The following WASHC4 variants were observed in gnomAD, a reference collection of about 807,000 sequenced individuals.
The protein encoded by WASHC4 is WASH complex subunit 7.
WASHC4 carries 86 observed loss-of-function variants against 166.6 expected under a neutral mutation model. The ratio of observed to expected loss-of-function variants is 0.52; its 90% CI spans 0.43 to 0.62. The LOEUF (loss-of-function observed/expected upper bound fraction) is 0.62, where lower values mean the gene tolerates loss of function less well. Among genes scored for constraint, WASHC4 ranks in the 20% least tolerant of loss-of-function variants. The probability of loss-of-function intolerance (pLI) is 0.00; values close to 1 mark genes in which losing one functional copy is unlikely to be tolerated. For missense variants in WASHC4, 1,262 were observed against 1,382.4 expected, an observed-to-expected ratio of 0.91 and a Z score of 1.38; for synonymous variants, 446 against 451.6, an observed-to-expected ratio of 0.99 and a Z score of 0.16.
At chr12:105,160,885 A>G (rs1884453920) in intron 29 of WASHC4, among the ~76,000 whole-genome samples, 1 of 152,226 alleles carries the variant, frequency 6.6e-6, no homozygotes, top group Non-Finnish European at 1.5e-5. Context: ...CATCTGGACT[A>G]AATTTTTAAT....
Position 105,143,209 on chromosome 12 carries a change from G to T in WASHC4, c.1976G>T (p.Cys659Phe). The T allele has an allele frequency of 6.2e-7, 1 of 1,602,490 alleles. No individual in the cohort carries two copies. The highest frequency in any genetic ancestry group is 8.5e-7 in the Non-Finnish European group (1 of 1,169,832). The change falls in exon 20 of 33, where the codon TGC (cysteine) becomes TTC (phenylalanine). Residue 659 changes from cysteine to phenylalanine, a missense_variant. Cys to Phe is a radical substitution (Grantham distance 205). Transcript: ENST00000332180. ...HLESYEILLDCYDKEIMEILN... is the reference protein window; with the variant it reads ...HLESYEILLDFYDKEIMEILN... ...GAGTCCTATGAGATACTTCTGGATT[G>T]CTATGACAAGGAAATTATGGAAATT...
Position 105,144,774 on chromosome 12 carries a change from C to T in WASHC4, c.2236C>T (p.His746Tyr), listed in dbSNP as rs758553648. 3.6e-5 allele frequency: 58 copies of T among 1,612,436 alleles called. No homozygotes were observed. The Admixed American group carries it at 8.7e-4, about 24-fold the overall frequency. The change falls in exon 22 of 33, where the codon CAT becomes TAT. Residue 746 changes from histidine to tyrosine, a missense_variant. Physicochemically the swap from His to Tyr is moderately conservative, Grantham distance 83 (BLOSUM62 2). Transcript: ENST00000332180. ...TFYNLTTVAL[H>Y]DWATYSEMRN... is the part of the protein sequence containing the mutation. ...CTACAATCTAACAACTGTAGCCCTT[C>T]ATGACTGGGCCACTTATAGTGAGAT...
chr12:105,114,136 A>C, intron 2 of WASHC4, 80 bp from the exon 3 acceptor site: 1 of 1,285,738 alleles, frequency 7.8e-7, no homozygotes, highest in Non-Finnish European at 1.1e-6. Flanking sequence ...AAGTCGAATA[A>C]AGCTAGCCTC....
At chr12:105,159,920 TATCTA>T (rs756006783) in intron 28 of WASHC4, 76 bp from the exon 29 acceptor site, 6 of 1,278,142 alleles carry the variant, frequency 4.7e-6, no homozygotes, top group Non-Finnish European at 6.8e-6. Context: ...CAAGTGTTCT[TATCTA>T]AACTATTGAG....
At position 105,118,518 on chromosome 12, in the gene WASHC4, A is replaced by T; in HGVS notation, c.508A>T (p.Ile170Phe). The change falls in exon 7 of 33, where the codon ATC becomes TTC. Residue 170 changes from isoleucine to phenylalanine, a missense_variant. Coordinates refer to ENST00000332180, the MANE Select transcript of WASHC4 (RefSeq NM_015275.3). ...NVVHQLAALY[I>F]SNKIAPKIIE... Reference sequence around the variant, plus strand: ...AGTCCACCAGTTGGCTGCCCTCTATATCAGTAACAAGTAATGGATTTTAGA... The same window carrying T: ...AGTCCACCAGTTGGCTGCCCTCTATTTCAGTAACAAGTAATGGATTTTAGA... 6.3e-7 allele frequency: 1 copy of T among 1,595,644 alleles called. No homozygotes were observed.
intron 32 of WASHC4, among the ~76,000 whole-genome samples, chr12:105,165,621 A>G (rs914403531): frequency 6.6e-6 from 1 of 152,162 alleles, no homozygotes; most frequent in Non-Finnish European, 1.5e-5. Context: ...AGATGTTTTT[A>G]TTAATCTTAT....
rs369051122 is a variant in WASHC4 at position 105,123,116 on chromosome 12, C to T, written c.786+878C>T. ...ATCACGTGAGGTCAGGAGTTCAAGA[C>T]CAGCCTGGCCAAGATGGTGAAACCT... On this transcript the variant is annotated intron_variant, in intron 10 of 32. Coordinates refer to ENST00000332180, the MANE Select transcript of WASHC4 (RefSeq NM_015275.3). Among the ~76,000 whole-genome samples, 52 of 152,302 alleles carry T rather than the reference C, an allele frequency of 3.4e-4. No individual in the cohort carries two copies. In the South Asian group the frequency reaches 0.01, roughly 30 times the overall value.
chr12:105,128,146 A>G (rs996980272), intron 13 of WASHC4, among the ~76,000 whole-genome samples: 1 of 152,182 alleles, frequency 6.6e-6, no homozygotes, highest in African/African-American at 2.4e-5. Context: ...ATCAAAGGGA[A>G]GTTGGATCAC....
At chr12:105,136,826 A>G (rs1030687742) in intron 14 of WASHC4, among the ~76,000 whole-genome samples, 1 of 151,578 alleles carries the variant, frequency 6.6e-6, no homozygotes, top group African/African-American at 2.4e-5. Context: ...TGATTTTTTC[A>G]TTTTCTTAAT....
chr12:105,148,659 T>G, intron 24 of WASHC4: 1 of 985,360 alleles, frequency 1.0e-6, no homozygotes, highest in Middle Eastern at 5.2e-4. Context: ...ATGTTTAAGC[T>G]ACAAGATAAG....
chr12:105,114,357 A>C lies in WASHC4; in HGVS notation c.256-5A>C. The C allele has an allele frequency of 6.2e-7, 1 of 1,600,022 alleles. No homozygotes were observed. Among genetic ancestry groups the C allele is most frequent in the Non-Finnish European group, 8.5e-7 (1 of 1,171,282 alleles). On this transcript the variant is annotated splice_region_variant and splice_polypyrimidine_tract_variant and intron_variant, in intron 3 of 32. Coordinates refer to ENST00000332180, the MANE Select transcript of WASHC4 (RefSeq NM_015275.3). ...TTTTTATTTTGTTTTTACTCATGAA[A>C]CTAGGTCTTAAACAAAGTCATCACT...
Position 105,162,738 on chromosome 12 carries a change from C to G in WASHC4, c.3061-11C>G. 1 of 1,415,962 alleles carries G rather than the reference C, an allele frequency of 7.1e-7. No individual in the cohort carries two copies. Among genetic ancestry groups the G allele is most frequent in the Non-Finnish European group, 1.0e-6 (1 of 1,004,068 alleles). 87.7% of individuals were successfully genotyped at this position (1,415,962 alleles called of 1,614,324 possible). A position where few individuals can be genotyped will look rare whatever the true frequency, so the allele number is the denominator to read the frequency against. On this transcript the variant is annotated splice_polypyrimidine_tract_variant and intron_variant, in intron 29 of 32. Transcript: ENST00000332180. ...AAATTGTTTTTCTAACATGTTGTTA[C>G]ATCTTTTTAGACCCTCAACTTTGTA... is the stretch of plus-strand genomic sequence containing the variant.
At chr12:105,142,047 C>T (rs1566016570) in intron 18 of WASHC4, among the ~76,000 whole-genome samples, 1 of 150,026 alleles carries the variant, frequency 6.7e-6, no homozygotes, top group Non-Finnish European at 1.5e-5. Flanking sequence ...TTTTTCTTTC[C>T]AACTTAGAGT....
chr12:105,139,193 T>C (rs73395770), intron 15 of WASHC4, among the ~76,000 whole-genome samples: 2,422 of 152,060 alleles, frequency 0.016, 43 homozygotes, highest in African/African-American at 0.042. Context: ...TTGGGATGAG[T>C]AGCACATCTA....
chr12:105,165,937 T>G (rs1171377375), intron 32 of WASHC4, among the ~76,000 whole-genome samples: 1 of 152,196 alleles, frequency 6.6e-6, no homozygotes, highest in East Asian at 1.9e-4. Flanking sequence ...AGAATTTGAA[T>G]CAATATAATC....
intron 13 of WASHC4, among the ~76,000 whole-genome samples, chr12:105,131,102 C>T (rs1007212850): frequency 7.4e-5 from 11 of 148,168 alleles, no homozygotes; most frequent in Admixed American, 1.3e-4. Context: ...TTTTTTGAGA[C>T]GGAGTCTCGC....
At chr12:105,134,921 T>A (rs1882178196) in intron 14 of WASHC4, among the ~76,000 whole-genome samples, 1 of 151,938 alleles carries the variant, frequency 6.6e-6, no homozygotes, top group Admixed American at 6.6e-5. Context: ...TTTGGAGTAT[T>A]TTTAATTTTA....
At position 105,157,241 on chromosome 12, in the gene WASHC4, T is replaced by C; in HGVS notation, c.2831T>C (p.Val944Ala). ...LHCSSNAIRF[V>A]PDLEDIVNFE... ...CTTCCCAAATTCTTATGTAGATTTGTTCCTGATCTTGAAGATATTGTAAAT... is the reference window on the plus strand; with the variant it reads ...CTTCCCAAATTCTTATGTAGATTTGCTCCTGATCTTGAAGATATTGTAAAT... The change falls in exon 28 of 33, where the codon GTT becomes GCT. Residue 944 changes from valine to alanine, a missense_variant. By Grantham distance (64) the Val-to-Ala change is moderately conservative. Coordinates refer to ENST00000332180, the MANE Select transcript of WASHC4 (RefSeq NM_015275.3). 1 of 1,493,984 alleles carries C rather than the reference T, an allele frequency of 6.7e-7. No homozygotes were observed. The allele number at this position is 1,493,984 out of a possible 1,614,324, so 92.5% of individuals were successfully genotyped here.
Position 105,152,451 on chromosome 12 carries a change from G to A in WASHC4, c.2758G>A (p.Gly920Ser). ...ATTCAGGCAACTCATCAGCCAGATTGGTAAGTTATGATAAAAGTGTTGGGA... is the reference window on the plus strand; with the variant it reads ...ATTCAGGCAACTCATCAGCCAGATTAGTAAGTTATGATAAAAGTGTTGGGA... ...DQFRQLISQI[G>S]NAMGYVRMIR... The change falls in exon 26 of 33, where the codon GGT becomes AGT. Residue 920 changes from glycine (G) to serine (S), a missense_variant and splice_region_variant. Gly to Ser is a moderately conservative substitution (Grantham distance 56, BLOSUM62 0). Transcript: ENST00000332180. The A allele has an allele frequency of 6.6e-7, 1 of 1,509,678 alleles. No homozygotes were observed. Among genetic ancestry groups the A allele is most frequent in the Non-Finnish European group, 9.2e-7 (1 of 1,085,180 alleles). 93.5% of individuals were successfully genotyped at this position (1,509,678 alleles called of 1,614,324 possible).
Sources: gnomAD v4.1 joint callset for allele counts (sites outside exome capture counted in the v4.1 genomes callset) on GRCh38, gnomAD v4.1.1 for gene constraint, MANE v1.5 for transcripts, NCBI Gene and HGNC (gene_info 2026-07-23, HGNC 2026-07-21) for gene names.